ATP1A4: variants seen among roughly 807,000 people sequenced by gnomAD.
The protein encoded by ATP1A4 is sodium/potassium-transporting ATPase subunit alpha-4.
A neutral mutation model predicts 114.3 loss-of-function variants in ATP1A4; 90 were observed. The ratio of observed to expected loss-of-function variants is 0.79; its 90% CI spans 0.66 to 0.94. The LOEUF (loss-of-function observed/expected upper bound fraction) is 0.94, where lower values mean the gene tolerates loss of function less well. ATP1A4 is among the 40% of genes least tolerant of loss of function. ATP1A4 has a pLI of 0.00. For missense variants in ATP1A4, 1,222 were observed against 1,313.6 expected (o/e 0.93, Z 1.08); for synonymous variants, 511 against 494.1 (o/e 1.03, Z -0.45).
At chr1:160,154,810 G>A (rs989387633) in intron 2 of ATP1A4, among the ~76,000 whole-genome samples, 1 of 152,108 alleles carries the variant, frequency 6.6e-6, no homozygotes, top group Non-Finnish European at 1.5e-5. Context: ...GTTCAAAAAG[G>A]TTTGTGAATC....
At chr1:160,173,771 C>T in intron 13 of ATP1A4, 54 bp downstream of exon 13, 2 of 1,580,224 alleles carry the variant, frequency 1.3e-6, no homozygotes, top group Middle Eastern at 1.7e-4. Context: ...CCCCAGCCTG[C>T]CCCACCCAGA....
At chr1:160,155,634 G>T (rs902157810) in intron 3 of ATP1A4, among the ~76,000 whole-genome samples, 7 of 151,988 alleles carry the variant, frequency 4.6e-5, no homozygotes, top group African/African-American at 1.7e-4. Flanking sequence ...CCAGTTCCCT[G>T]AGGTGCACAA....
chr1:160,156,229 C>T (rs577481561), intron 4 of ATP1A4, 71 bp downstream of exon 4: 67 of 1,063,368 alleles, frequency 6.3e-5, no homozygotes, highest in East Asian at 5.2e-4. Flanking sequence ...GATGAAGTCC[C>T]GTGGAAAATT....
intron 6 of ATP1A4, among the ~76,000 whole-genome samples, chr1:160,160,648 G>T (rs1183047716): frequency 1.3e-5 from 2 of 152,094 alleles, no homozygotes; most frequent in African/African-American, 4.8e-5. Context: ...AAGAAATTAA[G>T]CACCATATCC....
rs989610819 is a variant in ATP1A4, at chr1:160,171,582, C to T, written c.1682-3C>T. On this transcript the variant is annotated splice_region_variant and splice_polypyrimidine_tract_variant and intron_variant, in intron 11 of 21. Coordinates refer to ENST00000368081, the MANE Select transcript of ATP1A4 (RefSeq NM_144699.4). ...ACTGGTCCCTCCCTCTGTCTCTCTC[C>T]AGGCTTCTGCTTCTTGAATCTGCCT... 12 of 1,613,042 alleles carry T rather than the reference C, an allele frequency of 7.4e-6. No homozygotes were observed. The Admixed American group carries it at 8.3e-5, about 11-fold the overall frequency.
chr1:160,161,656 C>T (rs113971675), intron 6 of ATP1A4, among the ~76,000 whole-genome samples: 7 of 152,314 alleles, frequency 4.6e-5, no homozygotes, highest in African/African-American at 1.7e-4. Flanking sequence ...ATAGGAAACT[C>T]CTCAGCATCT....
At chr1:160,177,767 CACAA>C (rs760342812) in intron 18 of ATP1A4, 103 bp downstream of exon 18, 14 of 1,333,528 alleles carry the variant, frequency 1.0e-5, no homozygotes, top group African/African-American at 8.7e-5. Context: ...GGAAGCACCA[CACAA>C]ACAGAGCTGA....
intron 12 of ATP1A4, among the ~76,000 whole-genome samples, chr1:160,172,340 AG>A (rs1653295305): frequency 6.6e-6 from 1 of 152,218 alleles, no homozygotes. Context: ...GCTCTGGACC[AG>A]GCAATAGTGA....
intron 2 of ATP1A4, among the ~76,000 whole-genome samples, chr1:160,154,303 A>T (rs1489862003): frequency 6.6e-6 from 1 of 151,918 alleles, no homozygotes; most frequent in East Asian, 1.9e-4. Flanking sequence ...AACCTGGGAG[A>T]TGGAGGTTGC....
rs780181095 is a variant in ATP1A4 at position 160,176,162 on chromosome 1, G to A, written c.2382G>A (p.Thr794=). 8.7e-6 allele frequency: 14 copies of A among 1,613,854 alleles called. No homozygotes were observed. The South Asian group carries it at 9.9e-5, about 11-fold the overall frequency. Reference sequence around the variant, plus strand: ...TGACCAGCAACATCCCCGAGATCACGCCCTTCCTGATGTTCATCATCCTCG... The same window carrying A: ...TGACCAGCAACATCCCCGAGATCACACCCTTCCTGATGTTCATCATCCTCG... ...YTLTSNIPEI[T]PFLMFIILGI... is the part of the protein sequence containing the mutation. The change falls in exon 16 of 22, where the codon ACG becomes ACA. Residue 794 remains threonine, a synonymous_variant. Coordinates refer to ENST00000368081, the MANE Select transcript of ATP1A4 (RefSeq NM_144699.4).
In ATP1A4 at chr1:160,174,876, C is replaced by G. The variant is rs950020508; in HGVS notation, c.2311+129C>G. On this transcript the variant is annotated intron_variant, in intron 15 of 21. Coordinates refer to ENST00000368081, the MANE Select transcript of ATP1A4 (RefSeq NM_144699.4). ...CCTGTACGGGCTCAGAAGAAAATCACTGTAAGACAAAATTTTGCAAATTAG... is the reference window on the plus strand; with the variant it reads ...CCTGTACGGGCTCAGAAGAAAATCAGTGTAAGACAAAATTTTGCAAATTAG... 13 of 1,433,488 alleles carry G rather than the reference C, an allele frequency of 9.1e-6. No homozygotes were observed. In the African/African-American group the frequency reaches 1.9e-4, roughly 21 times the overall value. 88.8% of individuals were successfully genotyped at this position (1,433,488 alleles called of 1,614,324 possible). A position where few individuals can be genotyped will look rare whatever the true frequency, so the allele number is the denominator to read the frequency against.
At chr1:160,180,238 T>C (rs1332066433) in intron 18 of ATP1A4, among the ~76,000 whole-genome samples, 1 of 152,182 alleles carries the variant, frequency 6.6e-6, no homozygotes, top group East Asian at 1.9e-4. Context: ...TTTCCAGCCT[T>C]TGTGTTCTAC....
At chr1:160,167,782 C>T (rs1653097298) in intron 10 of ATP1A4, among the ~76,000 whole-genome samples, 1 of 152,164 alleles carries the variant, frequency 6.6e-6, no homozygotes, top group Non-Finnish European at 1.5e-5. Flanking sequence ...GGAGATTTGC[C>T]GCTGCAGTAT....
intron 18 of ATP1A4, among the ~76,000 whole-genome samples, chr1:160,179,605 C>A (rs1653608482): frequency 6.6e-6 from 1 of 152,308 alleles, no homozygotes; most frequent in Middle Eastern, 3.4e-3. Flanking sequence ...CTGCTAGAAG[C>A]AAGGATCGCT....
intron 18 of ATP1A4, among the ~76,000 whole-genome samples, chr1:160,180,589 C>A (rs1653647577): frequency 1.3e-5 from 2 of 151,582 alleles, no homozygotes; most frequent in South Asian, 2.1e-4. Context: ...TGTCTCCTAT[C>A]TGATACCACT....
chr1:160,181,570 A>AG, intron 18 of ATP1A4, 114 bp from the exon 19 acceptor site: 1 of 1,196,878 alleles, frequency 8.4e-7, no homozygotes, highest in Non-Finnish European at 1.1e-6. Context: ...AAAAAAAAAA[A>AG]AAGAATGAGG....
intron 20 of ATP1A4, among the ~76,000 whole-genome samples, 163 bp downstream of exon 20, chr1:160,182,194 T>C (rs1653731257): frequency 6.6e-6 from 1 of 152,208 alleles, no homozygotes; most frequent in African/African-American, 2.4e-5. Context: ...CTCTGATAAG[T>C]GGATCTTATT....
At chr1:160,177,213 T>A (rs2101651147) in intron 17 of ATP1A4, among the ~76,000 whole-genome samples, 1 of 152,264 alleles carries the variant, frequency 6.6e-6, no homozygotes, top group African/African-American at 2.4e-5. Context: ...TAAGATCCTG[T>A]CTCAAAAGAA....
At chr1:160,158,865 CT>C in intron 4 of ATP1A4, 136 bp from the exon 5 acceptor site, 5 of 959,336 alleles carry the variant, frequency 5.2e-6, no homozygotes, top group Non-Finnish European at 7.6e-6. Flanking sequence ...CCAAAGACAC[CT>C]TCAAGAATGA....
Sources: gnomAD v4.1 joint callset for allele counts (sites outside exome capture counted in the v4.1 genomes callset) on GRCh38, gnomAD v4.1.1 for gene constraint, MANE v1.5 for transcripts, NCBI Gene and HGNC (gene_info 2026-07-23, HGNC 2026-07-21) for gene names.